The following PMPCB variants were observed in gnomAD, a reference collection of about 807,000 sequenced individuals.
PMPCB encodes peptidase, mitochondrial processing subunit beta.
A neutral mutation model predicts 61.5 loss-of-function variants in PMPCB; 46 were observed. The ratio of observed to expected loss-of-function variants is 0.75; its 90% CI spans 0.59 to 0.96. The LOEUF (loss-of-function observed/expected upper bound fraction) is 0.96. Among genes scored for constraint, PMPCB ranks in the 40% least tolerant of loss-of-function variants. The pLI is 0.00. For missense variants in PMPCB, 590 were observed against 602.4 expected (o/e 0.98, Z 0.22); for synonymous variants, 191 against 201.6 (o/e 0.95, Z 0.44).
chr7:103,311,580 TTAG>T, intron 9 of PMPCB, 60 bp from the exon 10 acceptor site: 2 of 1,151,984 alleles, frequency 1.7e-6, no homozygotes, highest in South Asian at 2.6e-5. Flanking sequence ...ATCATCATTC[TTAG>T]GTCATTAACT....
At chr7:103,339,103 T>A in the PMPCB span, among the ~76,000 whole-genome samples, 1 of 152,288 alleles carries the variant, frequency 6.6e-6, no homozygotes, top group South Asian at 2.1e-4. Context: ...GACCCCTTTT[T>A]TCTCTTAGCA....
At chr7:103,303,141 A>T (rs1221893827) in intron 4 of PMPCB, among the ~76,000 whole-genome samples, 1 of 152,144 alleles carries the variant, frequency 6.6e-6, no homozygotes, top group Non-Finnish European at 1.5e-5. Flanking sequence ...GATTGTAAGG[A>T]TTCTTTTCTC....
the PMPCB span, among the ~76,000 whole-genome samples, chr7:103,338,291 T>G: frequency 6.6e-6 from 1 of 150,768 alleles, no homozygotes; most frequent in East Asian, 2.0e-4. Context: ...TTTTAATGAT[T>G]TTAAGATTTT....
chr7:103,318,935 A>G (rs1818225906), downstream of PMPCB, among the ~76,000 whole-genome samples: 3 of 152,226 alleles, frequency 2.0e-5, no homozygotes, highest in Admixed American at 2.0e-4. Flanking sequence ...AACAAAATGC[A>G]GACTGGGCAT....
intron 5 of PMPCB, 85 bp downstream of exon 5, chr7:103,304,125 C>A: frequency 1.8e-6 from 2 of 1,117,316 alleles, no homozygotes; most frequent in Non-Finnish European, 2.6e-6. Context: ...AAGTATGTTT[C>A]AGAAAGTAAT....
At chr7:103,297,708 G>A (rs924510731) in intron 1 of PMPCB, 150 bp downstream of exon 1, 4 of 1,535,452 alleles carry the variant, frequency 2.6e-6, no homozygotes, top group African/African-American at 2.7e-5. Context: ...TGGGGCTGCT[G>A]AACTGGCCGG....
chr7:103,340,009 T>C, the PMPCB span, among the ~76,000 whole-genome samples: 26 of 152,190 alleles, frequency 1.7e-4, no homozygotes, highest in Non-Finnish European at 1.9e-4. Flanking sequence ...TGGCTAATTT[T>C]GTATTTTTAG....
At chr7:103,319,585 A>G (rs1483980523), downstream of PMPCB, 3 of 1,609,270 alleles carry the variant, frequency 1.9e-6, no homozygotes, top group Admixed American at 5.0e-5. Context: ...ACATATAGGT[A>G]GGAGTGATGT....
chr7:103,322,554 G>C, intron 12 of PMPCB: 1 of 1,573,810 alleles, frequency 6.4e-7, no homozygotes, highest in Non-Finnish European at 8.7e-7. Flanking sequence ...TTCTGCTTTT[G>C]CTTTCTTTTC....
downstream of PMPCB, chr7:103,316,714 G>T: frequency 2.3e-6 from 2 of 872,052 alleles, no homozygotes; most frequent in Non-Finnish European, 1.8e-6. Context: ...TTTCTGCTGT[G>T]GCACAGAATT....
downstream of PMPCB, among the ~76,000 whole-genome samples, chr7:103,317,613 T>G (rs886972760): frequency 1.3e-5 from 2 of 152,324 alleles, 1 homozygote; most frequent in South Asian, 4.1e-4. Context: ...AAAAATTTTT[T>G]TGATTCCCAT....
downstream of PMPCB, among the ~76,000 whole-genome samples, chr7:103,330,747 GCT>G (rs1212980373): frequency 7.1e-6 from 1 of 141,124 alleles, no homozygotes; most frequent in African/African-American, 3.0e-5. Flanking sequence ...ATCACACCCA[GCT>G]CTTTTTTTTT....
downstream of PMPCB, among the ~76,000 whole-genome samples, chr7:103,315,004 G>T (rs1486229275): frequency 1.3e-5 from 2 of 152,098 alleles, no homozygotes; most frequent in Non-Finnish European, 2.9e-5. Flanking sequence ...AGACACACGT[G>T]ATCAAGAGTT....
At chr7:103,318,143 C>T (rs908247933), downstream of PMPCB, among the ~76,000 whole-genome samples, 1 of 151,970 alleles carries the variant, frequency 6.6e-6, no homozygotes, top group Non-Finnish European at 1.5e-5. Context: ...TTGTTTCCCA[C>T]TCCATTTCCC....
chr7:103,317,734 T>A (rs931188014), downstream of PMPCB, among the ~76,000 whole-genome samples: 1 of 152,170 alleles, frequency 6.6e-6, no homozygotes, highest in Non-Finnish European at 1.5e-5. Context: ...TACTGCAACC[T>A]CCGCCTCCTA....
At chr7:103,328,862 A>C (rs1051541383) in intron 12 of PMPCB, 9 of 438,818 alleles carry the variant, frequency 2.1e-5, no homozygotes, top group Non-Finnish European at 3.3e-5. Flanking sequence ...TTGCATTATT[A>C]TAAATAATGC....
At chr7:103,327,263 G>A in intron 12 of PMPCB, 1 of 833,698 alleles carries the variant, frequency 1.2e-6, no homozygotes, top group Non-Finnish European at 1.7e-6. Flanking sequence ...GAACAGTTTA[G>A]TCCCATAAAG....
At chr7:103,340,758 A>G in the PMPCB span, among the ~76,000 whole-genome samples, 6 of 152,336 alleles carry the variant, frequency 3.9e-5, no homozygotes, top group East Asian at 1.9e-4. Flanking sequence ...TTGTCATTCA[A>G]TTCCTCACAG....
chr7:103,346,447 A>T, the PMPCB span, among the ~76,000 whole-genome samples: 7 of 152,094 alleles, frequency 4.6e-5, no homozygotes, highest in East Asian at 1.9e-4. Flanking sequence ...TTTGTTTTTT[A>T]AAAAAATTGT....
Sources: allele counts gnomAD v4.1 joint callset (sites outside exome capture counted in the v4.1 genomes callset), GRCh38; gene constraint gnomAD v4.1.1; transcripts MANE v1.5; gene names NCBI Gene and HGNC (gene_info 2026-07-23, HGNC 2026-07-21).